The following AKAP12 variants were observed in gnomAD, a reference collection of about 807,000 sequenced individuals.
AKAP12 encodes the protein A-kinase anchor protein 12.
In AKAP12, 32 loss-of-function variants were observed where a neutral mutation model predicts 79.9. That is an observed-to-expected ratio of 0.40 (90% CI 0.30 to 0.54). AKAP12 has a LOEUF of 0.54. Among genes scored for constraint, AKAP12 ranks in the 20% least tolerant of loss-of-function variants. The pLI is 0.48. For synonymous variants in AKAP12, 808 were observed against 857.0 expected (o/e 0.94, Z 1.00); for missense variants, 2,074 against 2,177.0 (o/e 0.95, Z 0.94).
chr6:151,288,789 C>T (rs1776558322), intron 2 of AKAP12, among the ~76,000 whole-genome samples: 1 of 152,316 alleles, frequency 6.6e-6, no homozygotes, highest in South Asian at 2.1e-4. Flanking sequence ...ATCAGGACCA[C>T]ATTTTTCAGG....
At chr6:151,311,187 C>T (rs1284521996) in intron 3 of AKAP12, among the ~76,000 whole-genome samples, 1 of 152,192 alleles carries the variant, frequency 6.6e-6, no homozygotes, top group Admixed American at 6.5e-5. Flanking sequence ...CCAGGCTGGT[C>T]TCAAATTCTT....
At position 151,353,605 on chromosome 6, in the gene AKAP12, G is replaced by A. The variant is rs749239281; in HGVS notation, c.5214G>A (p.Lys1738=). The A allele has an allele frequency of 3.1e-6, 5 of 1,614,100 alleles. No homozygotes were observed. The highest frequency in any genetic ancestry group is 4.2e-6 in the Non-Finnish European group (5 of 1,180,006). ...PDTNGPKQKE[K]EDAQEVELQE... ...CAAATGGACCAAAACAAAAAGAGAA[G>A]GAGGATGCCCAGGAAGTAGAATTGC... is the stretch of plus-strand genomic sequence containing the variant. The change falls in exon 4 of 5, where the codon AAG becomes AAA. Residue 1738 remains lysine, a synonymous_variant. Transcript: ENST00000402676.
At chr6:151,301,691 T>TG (rs1409307720) in intron 2 of AKAP12, among the ~76,000 whole-genome samples, 1 of 152,160 alleles carries the variant, frequency 6.6e-6, no homozygotes, top group East Asian at 1.9e-4. Context: ...TCATAGGCTC[T>TG]GAAAGCTCAC....
chr6:151,335,145 A>G (rs1777779837), intron 3 of AKAP12, among the ~76,000 whole-genome samples: 1 of 152,206 alleles, frequency 6.6e-6, no homozygotes, highest in African/African-American at 2.4e-5. Context: ...TTGTGCAGCC[A>G]TTAGGTCTTA....
rs749174370 is a variant in AKAP12, at chr6:151,352,267, A to G, written c.3876A>G (p.Ile1292Met). The change falls in exon 4 of 5, where the codon ATA becomes ATG. Residue 1292 changes from isoleucine to methionine, a missense_variant. Coordinates refer to ENST00000402676, the MANE Select transcript of AKAP12 (RefSeq NM_005100.4). ...EGLEGSIDTGITVSREKVTEV... is the reference protein window; with the variant it reads ...EGLEGSIDTGMTVSREKVTEV... ...TTGAGGGGTCTATAGACACAGGCATAACAGTCAGTCGGGAAAAGGTCACTG... is the reference window on the plus strand; with the variant it reads ...TTGAGGGGTCTATAGACACAGGCATGACAGTCAGTCGGGAAAAGGTCACTG... The G allele has an allele frequency of 4.3e-6, 7 of 1,614,206 alleles. No homozygotes were observed. In the East Asian group the frequency reaches 1.6e-4, roughly 36 times the overall value.
intron 3 of AKAP12, among the ~76,000 whole-genome samples, chr6:151,347,004 A>C (rs1778118474): frequency 6.6e-6 from 1 of 151,312 alleles, no homozygotes; most frequent in South Asian, 2.1e-4. Context: ...CAATGTCATC[A>C]TTCTCTTTCT....
chr6:151,271,723 G>A (rs1562715573), intron 2 of AKAP12, among the ~76,000 whole-genome samples: 2 of 152,072 alleles, frequency 1.3e-5, no homozygotes, highest in Admixed American at 6.5e-5. Context: ...GCAGTGGTGC[G>A]ATTTCGGCTC....
intron 3 of AKAP12, among the ~76,000 whole-genome samples, chr6:151,340,727 C>T (rs1245341500): frequency 1.3e-5 from 2 of 151,930 alleles, no homozygotes; most frequent in African/African-American, 4.8e-5. Context: ...GCAGGTTCCA[C>T]CATGCCTTGG....
chr6:151,297,018 G>T (rs993997353), intron 2 of AKAP12, among the ~76,000 whole-genome samples: 2 of 108,082 alleles, frequency 1.9e-5, no homozygotes, highest in African/African-American at 3.8e-5. Context: ...GAAATAAAAG[G>T]GTTTTTTTTT....
chr6:151,321,364 T>C (rs1005510942), intron 3 of AKAP12, among the ~76,000 whole-genome samples: 1 of 152,210 alleles, frequency 6.6e-6, no homozygotes, highest in Non-Finnish European at 1.5e-5. Flanking sequence ...CCCCCAGTCT[T>C]AGGTAACCAC....
At chr6:151,307,793 G>GGCT (rs919431820) in intron 3 of AKAP12, among the ~76,000 whole-genome samples, 6 of 151,844 alleles carry the variant, frequency 4.0e-5, no homozygotes, top group African/African-American at 1.5e-4. Flanking sequence ...AGGTGACCTA[G>GGCT]GCTTCTGACC....
At chr6:151,244,022 C>T (rs1203020520) in intron 2 of AKAP12, among the ~76,000 whole-genome samples, 1 of 152,048 alleles carries the variant, frequency 6.6e-6, no homozygotes, top group Non-Finnish European at 1.5e-5. Flanking sequence ...TATGTATTGC[C>T]TGATGAATGA....
intron 3 of AKAP12, among the ~76,000 whole-genome samples, chr6:151,315,139 C>T (rs1161256793): frequency 6.6e-6 from 1 of 152,072 alleles, no homozygotes; most frequent in Non-Finnish European, 1.5e-5. Flanking sequence ...GTAACTAAGC[C>T]ACTAATGGAG....
intron 3 of AKAP12, among the ~76,000 whole-genome samples, chr6:151,317,166 G>T (rs1191265833): frequency 2.0e-5 from 3 of 152,164 alleles, no homozygotes; most frequent in Non-Finnish European, 4.4e-5. Context: ...GAGCTTTGAG[G>T]CTCTGAACCA....
Position 151,261,040 on chromosome 6 carries a change from T to C in AKAP12, c.162+20316T>C, listed in dbSNP as rs118020574. On this transcript the variant is annotated intron_variant, in intron 2 of 4. Transcript: ENST00000402676. The stretch of plus-strand genomic sequence containing the variant: ...CTCTTTTTCTTCCAGCATGCACCTG[T>C]GCATTCCCTTATCCTTCACTCCTCA... 9.0e-4 allele frequency among the ~76,000 whole-genome samples: 137 copies of C among 152,196 alleles called. 2 individuals carry two copies. In the South Asian group the frequency reaches 0.016, roughly 18 times the overall value.
chr6:151,331,966 C>G (rs944968019), intron 3 of AKAP12, among the ~76,000 whole-genome samples: 1 of 149,884 alleles, frequency 6.7e-6, no homozygotes, highest in Non-Finnish European at 1.5e-5. Context: ...CTGGGCTCAA[C>G]GATCCTCCTG....
At chr6:151,302,638 A>T (rs1026405467) in intron 2 of AKAP12, among the ~76,000 whole-genome samples, 6 of 152,216 alleles carry the variant, frequency 3.9e-5, no homozygotes, top group African/African-American at 1.2e-4. Flanking sequence ...ATAGAACTTC[A>T]GAGTTCTGGT....
At chr6:151,256,641 A>G (rs1346424697) in intron 2 of AKAP12, among the ~76,000 whole-genome samples, 1 of 151,502 alleles carries the variant, frequency 6.6e-6, no homozygotes, top group Non-Finnish European at 1.5e-5. Context: ...TATAAATTTT[A>G]TTTTATTTTA....
chr6:151,341,745 C>G, intron 3 of AKAP12: 1 of 1,281,650 alleles, frequency 7.8e-7, no homozygotes, highest in South Asian at 1.2e-5. Flanking sequence ...GACACGGAAT[C>G]CCGAGGGCCA....
Sources: gnomAD v4.1 joint callset for allele counts (sites outside exome capture counted in the v4.1 genomes callset) on GRCh38, gnomAD v4.1.1 for gene constraint, MANE v1.5 for transcripts, NCBI Gene and HGNC (gene_info 2026-07-23, HGNC 2026-07-21) for gene names.